The following TRPV5 variants were observed in gnomAD, a reference collection of about 807,000 sequenced individuals.
TRPV5 encodes the protein calcium transport protein 2.
Under a neutral mutation model 74.1 loss-of-function variants are expected in TRPV5, and 66 were observed. The ratio of observed to expected loss-of-function variants is 0.89; its 90% CI spans 0.73 to 1.09. TRPV5 has a LOEUF of 1.09. Ranked by LOEUF, TRPV5 falls within the 50% of genes least tolerant of loss-of-function variation. TRPV5 has a pLI of 0.00. For missense variants in TRPV5, 936 were observed against 930.4 expected (o/e 1.01, Z -0.08); for synonymous variants, 399 against 360.7 (o/e 1.11, Z -1.20).
At position 142,927,177 on chromosome 7, in the gene TRPV5, C is replaced by A. The variant is rs1301174070; in HGVS notation, c.909+911G>T. On this transcript the variant is annotated intron_variant, in intron 7 of 14. Transcript: ENST00000265310. ...CTTGAAGATCCAGCCCCAGCATTTC[C>A]TCTGTGACATCTTCTCTGGTCTATC... 3.9e-5 allele frequency among the ~76,000 whole-genome samples: 6 copies of A among 152,168 alleles called. No individual in the cohort carries two copies. In the South Asian group the frequency reaches 1.0e-3, roughly 26 times the overall value.
At chr7:142,910,445 G>A (rs1015342685) in intron 13 of TRPV5, among the ~76,000 whole-genome samples, 3 of 152,278 alleles carry the variant, frequency 2.0e-5, no homozygotes, top group South Asian at 4.1e-4. Context: ...GAAAGGCATA[G>A]TCCCGCTTTG....
At position 142,919,969 on chromosome 7, in the gene TRPV5, C is replaced by T. The variant is rs143446180; in HGVS notation, c.1123-4401G>A. ...AAGTTTTCAGAGAAAGCTCTGCTAG[C>T]TCTTACAAAGAGCTTCTCCGATTCC... On this transcript the variant is annotated intron_variant, in intron 8 of 14. Transcript: ENST00000265310. 1.8e-4 allele frequency among the ~76,000 whole-genome samples: 27 copies of T among 152,338 alleles called. No homozygotes were observed. The East Asian group carries it at 4.8e-3, about 27-fold the overall frequency.
intron 1 of TRPV5, among the ~76,000 whole-genome samples, chr7:142,931,682 G>A (rs1339138163): frequency 6.6e-6 from 1 of 152,042 alleles, no homozygotes; most frequent in Non-Finnish European, 1.5e-5. Context: ...AGGAGCCAGG[G>A]CGAAAAAGTG....
At chr7:142,926,963 A>C (rs759768859) in intron 7 of TRPV5, among the ~76,000 whole-genome samples, 4 of 152,208 alleles carry the variant, frequency 2.6e-5, no homozygotes, top group African/African-American at 4.8e-5. Context: ...TACAAAACAG[A>C]AACTACATCT....
At position 142,915,243 on chromosome 7, in the gene TRPV5, G is replaced by T. The variant is rs572253944; in HGVS notation, c.1286+64C>A. ...ACCTGAGGCCTAGAACTCAGAGAGT[G>T]AGCTGGAGACAGGAAAAGATTCTGG... On this transcript the variant is annotated intron_variant, in intron 10 of 14. Coordinates refer to ENST00000265310, the MANE Select transcript of TRPV5 (RefSeq NM_019841.7). 3 of 1,588,704 alleles carry T rather than the reference G, an allele frequency of 1.9e-6. No individual in the cohort carries two copies. The South Asian group carries it at 3.4e-5, about 18-fold the overall frequency.
intron 8 of TRPV5, among the ~76,000 whole-genome samples, chr7:142,918,112 T>C (rs961036871): frequency 2.6e-5 from 4 of 152,244 alleles, no homozygotes; most frequent in African/African-American, 9.6e-5. Flanking sequence ...CTAATAGGCT[T>C]CCCTTTTAAT....
chr7:142,926,529 T>G (rs758642250), intron 7 of TRPV5, among the ~76,000 whole-genome samples: 1 of 152,172 alleles, frequency 6.6e-6, no homozygotes, highest in Non-Finnish European at 1.5e-5. Flanking sequence ...TTTCCAGACA[T>G]GCTCGGCAGT....
At chr7:142,925,897 G>C (rs1323244292) in intron 7 of TRPV5, among the ~76,000 whole-genome samples, 156 bp from the exon 8 acceptor site, 1 of 152,142 alleles carries the variant, frequency 6.6e-6, no homozygotes, top group Non-Finnish European at 1.5e-5. Flanking sequence ...CATATGGCTG[G>C]GCCTTGTGCT....
At chr7:142,917,926 G>A (rs1383129018) in intron 8 of TRPV5, among the ~76,000 whole-genome samples, 1 of 152,218 alleles carries the variant, frequency 6.6e-6, no homozygotes, top group East Asian at 1.9e-4. Context: ...AGTTGCAATA[G>A]AAGTAATGAT....
intron 12 of TRPV5, among the ~76,000 whole-genome samples, chr7:142,914,027 T>C (rs1288444231): frequency 6.6e-6 from 1 of 152,184 alleles, no homozygotes; most frequent in Non-Finnish European, 1.5e-5. Flanking sequence ...GCACTTTCAC[T>C]GGCTGTGCCT....
chr7:142,918,347 A>G (rs562191280), intron 8 of TRPV5, among the ~76,000 whole-genome samples: 1 of 152,352 alleles, frequency 6.6e-6, no homozygotes, highest in East Asian at 1.9e-4. Context: ...AGCCTTACTC[A>G]TTCAGTTCCC....
At position 142,925,624 on chromosome 7, in the gene TRPV5, A is replaced by G; in HGVS notation, c.1027T>C (p.Phe343Leu). 1 of 1,614,212 alleles carries G rather than the reference A, an allele frequency of 6.2e-7. No individual in the cohort carries two copies. Among genetic ancestry groups the G allele is most frequent in the Non-Finnish European group, 8.5e-7 (1 of 1,180,030 alleles). ...AALYLLYMIC[F>L]TTCCVYRPLK... ...GGGCGGTAGACGCAGCACGTAGTAA[A>G]GCAGATCATGTAGAGCAGGTACAAG... Residue 343 changes from phenylalanine to leucine, a missense_variant, in exon 8 of 15, where the codon TTT becomes CTT. Physicochemically the swap from Phe to Leu is conservative, Grantham distance 22. Transcript: ENST00000265310.
intron 10 of TRPV5, 117 bp from the exon 11 acceptor site, chr7:142,915,163 G>A (rs944434218): frequency 1.3e-5 from 19 of 1,515,642 alleles, no homozygotes; most frequent in South Asian, 8.2e-5. Flanking sequence ...CACCTAAAAC[G>A]CACATACAGT....
Position 142,908,532 on chromosome 7 carries a change from C to T in TRPV5, c.2172G>A (p.Glu724=), listed in dbSNP as rs374381985. ...ATGTTAATCAAAAATGGTAGACCTC[C>T]TCTCCATCCCCCTCACTAAGGTTCA... ...LGLNLSEGDG[E]EVYHF Residue 724 remains glutamate, a synonymous_variant, in exon 15 of 15, where the codon GAG becomes GAA. Coordinates refer to ENST00000265310, the MANE Select transcript of TRPV5 (RefSeq NM_019841.7). The T allele has an allele frequency of 3.7e-6, 6 of 1,614,180 alleles. No individual in the cohort carries two copies. The highest frequency in any genetic ancestry group is 1.1e-5 in the South Asian group (1 of 91,082).
chr7:142,913,685 T>C (rs1380634366), intron 12 of TRPV5, among the ~76,000 whole-genome samples: 1 of 150,894 alleles, frequency 6.6e-6, no homozygotes, highest in Non-Finnish European at 1.5e-5. Context: ...TTGTTTTGTT[T>C]TGTTTGTTTT....
Position 142,925,662 on chromosome 7 carries a change from CAGA to C in TRPV5, c.986_988del (p.Phe329del), listed in dbSNP as rs1795974240. On this transcript the variant is annotated inframe_deletion, in exon 8 of 15. Coordinates refer to ENST00000265310, the MANE Select transcript of TRPV5 (RefSeq NM_019841.7). ...GAGCAGGTACAAGGCAGCCAGGATGCAGAAGTACGGCCGGCCATACTTGTTCCA... is the reference window on the plus strand; with the variant it reads ...GAGCAGGTACAAGGCAGCCAGGATGCAGTACGGCCGGCCATACTTGTTCCA... 6.2e-7 allele frequency: 1 copy of C among 1,614,062 alleles called. No homozygotes were observed. The highest frequency in any genetic ancestry group is 1.3e-5 in the African/African-American group (1 of 74,916).
Position 142,908,197 on chromosome 7 carries a change from G to T in TRPV5, c.*317C>A. 1 of 406,300 alleles carries T rather than the reference G, an allele frequency of 2.5e-6. No individual in the cohort carries two copies. The highest frequency in any genetic ancestry group is 4.4e-6 in the Non-Finnish European group (1 of 224,772). The allele number at this position is 406,300 out of a possible 1,614,324, so 25.2% of individuals were successfully genotyped here. On this transcript the variant is annotated 3_prime_UTR_variant, in exon 15 of 15. Coordinates refer to ENST00000265310, the MANE Select transcript of TRPV5 (RefSeq NM_019841.7). ...GCCTCACAGCTTACTACTTTCTAGG[G>T]GCTGCGTGGGGCAGAAGAGAAATGG...
At chr7:142,924,573 AC>A (rs1262887963) in intron 8 of TRPV5, among the ~76,000 whole-genome samples, 9 of 151,666 alleles carry the variant, frequency 5.9e-5, no homozygotes, top group African/African-American at 2.2e-4. Flanking sequence ...TCTCTTTCCG[AC>A]TGAAACTACC....
chr7:142,917,644 C>A (rs566209100), intron 8 of TRPV5, among the ~76,000 whole-genome samples: 1 of 152,234 alleles, frequency 6.6e-6, no homozygotes, highest in Non-Finnish European at 1.5e-5. Context: ...CATTACTCTG[C>A]ACAAATTCAC....
Sources: gnomAD v4.1 joint callset for allele counts (sites outside exome capture counted in the v4.1 genomes callset) on GRCh38, gnomAD v4.1.1 for gene constraint, MANE v1.5 for transcripts, NCBI Gene and HGNC (gene_info 2026-07-23, HGNC 2026-07-21) for gene names.